POLE: variants seen among roughly 807,000 people sequenced by gnomAD.
POLE encodes the protein DNA polymerase epsilon, catalytic subunit.
In POLE, 188 loss-of-function variants were observed where a neutral mutation model predicts 279.2. That is an observed-to-expected ratio of 0.67 (90% CI 0.60 to 0.76). The LOEUF (loss-of-function observed/expected upper bound fraction) is 0.76, where lower values mean the gene tolerates loss of function less well. Ranked by LOEUF, POLE falls within the 30% of genes least tolerant of loss-of-function variation. The probability of loss-of-function intolerance (pLI) is 0.00; values close to 1 mark genes in which losing one functional copy is unlikely to be tolerated. For missense variants in POLE, 2,703 were observed against 3,016.7 expected (o/e 0.90, Z 2.44); for synonymous variants, 1,214 against 1,172.5 (o/e 1.04, Z -0.72).
Position 132,649,596 on chromosome 12 carries a change from C to T in POLE, c.3795+81G>A, listed in dbSNP as rs1276263792. ...CATGACTTTCTCACAAGCAGCCTCC[C>T]TAGGGGTCAGGACGCATCTCGGGCT... On this transcript the variant is annotated intron_variant, in intron 30 of 48. Transcript: ENST00000320574. The T allele has an allele frequency of 3.8e-6, 6 of 1,599,040 alleles. No homozygotes were observed. The African/African-American group carries it at 8.0e-5, about 21-fold the overall frequency.
At chr12:132,645,570 T>C (rs1017991043) in intron 32 of POLE, among the ~76,000 whole-genome samples, 3 of 152,192 alleles carry the variant, frequency 2.0e-5, no homozygotes, top group Admixed American at 6.5e-5. Flanking sequence ...GCTTGGGCAC[T>C]GGAATTAACC....
intron 16 of POLE, among the ~76,000 whole-genome samples, chr12:132,671,678 GA>G (rs59237637): frequency 0.5 from 36,421 of 73,090 alleles, 5,113 homozygotes; most frequent in Middle Eastern, 0.6. Flanking sequence ...CTCAAAAAGG[GA>G]AAAAAAAAAA....
At chr12:132,644,362 C>T (rs1191951908) in intron 32 of POLE, among the ~76,000 whole-genome samples, 4 of 137,598 alleles carry the variant, frequency 2.9e-5, no homozygotes, top group African/African-American at 8.2e-5. Context: ...AAGGAGGTCT[C>T]ACTATGAGGC....
rs1324298673 is a variant in POLE at position 132,676,579 on chromosome 12, C to A, written c.876G>T (p.Gln292His). The A allele has an allele frequency of 5.0e-6, 8 of 1,613,818 alleles. No individual in the cohort carries two copies. The Admixed American group carries it at 6.7e-5, about 13-fold the overall frequency. Residue 292 changes from glutamine to histidine, a missense_variant, in exon 9 of 49, where the codon CAG (glutamine) becomes CAT (histidine). Physicochemically the swap from Gln to His is conservative, Grantham distance 24. This residue lies in a region of POLE where 1,011 missense variants were observed against 1,111.7 expected (regional missense o/e 0.91). Transcript: ENST00000320574. ...CGATCATGTAGGAAATCATCATAAT[C>A]TGGTCTGTCTCAGCATCAGGAAACT... ...PLKFPDAETD[Q>H]IMMISYMIDG...
chr12:132,676,139 C>T lies in POLE; in HGVS notation c.975G>A (p.Lys325=), dbSNP rs778124242. The T allele has an allele frequency of 9.3e-6, 15 of 1,613,162 alleles. No individual in the cohort carries two copies. Among genetic ancestry groups the T allele is most frequent in the Admixed American group, 3.3e-5 (2 of 59,756 alleles). The change falls in exon 10 of 49, where the codon AAG becomes AAA. Residue 325 remains lysine, a synonymous_variant. Transcript: ENST00000320574. ...CACAAAAGGGGCCTTCATATTCTGG[C>T]TTGGGGGTGAACTCAAAATCTTCAA... ...EDIEDFEFTP[K]PEYEGPFCVF...
intron 45 of POLE, among the ~76,000 whole-genome samples, chr12:132,631,923 T>TC (rs1565926176): frequency 6.6e-6 from 1 of 152,082 alleles, no homozygotes; most frequent in Non-Finnish European, 1.5e-5. Context: ...CTCTCCCTTC[T>TC]CGGGTCGGCT....
At position 132,658,084 on chromosome 12, in the gene POLE, C is replaced by T. The variant is rs117528906; in HGVS notation, c.3276-114G>A. On this transcript the variant is annotated intron_variant, in intron 26 of 48. Transcript: ENST00000320574. Reference sequence around the variant, plus strand: ...AGGACGTGTAACAGCTGTTCACAAACATCAATGTATACATCTGCGTGCATA... The same window carrying T: ...AGGACGTGTAACAGCTGTTCACAAATATCAATGTATACATCTGCGTGCATA... 42 of 718,672 alleles carry T rather than the reference C, an allele frequency of 5.8e-5. 1 individual carries two copies. In the East Asian group the frequency reaches 1.0e-3, roughly 17 times the overall value. 44.5% of individuals were successfully genotyped at this position (718,672 alleles called of 1,614,324 possible).
Position 132,664,453 on chromosome 12 carries a change from C to A in POLE, c.2478G>T (p.Trp826Cys), listed in dbSNP as rs375426113. ...CGATGCCAGCCATCTCCATGGAGTACCAGCGAGCCCTGAGAGGACACCACA... is the reference window on the plus strand; with the variant it reads ...CGATGCCAGCCATCTCCATGGAGTAACAGCGAGCCCTGAGAGGACACCACA... ...YGYVMRKGARWYSMEMAGIVC... is the reference protein window; with the variant it reads ...YGYVMRKGARCYSMEMAGIVC... The change falls in exon 22 of 49, where the codon TGG (tryptophan) becomes TGT (cysteine). Residue 826 changes from tryptophan (W) to cysteine (C), a missense_variant. Physicochemically the swap from Trp to Cys is radical, Grantham distance 215. Around this residue, in one of 5 missense-constraint regions of POLE, gnomAD observed 1,011 missense variants for 1,111.7 expected, o/e 0.91. Coordinates refer to ENST00000320574, the MANE Select transcript of POLE (RefSeq NM_006231.4). This position sits in a 1 kb window ranked among gnomAD's most constrained non-coding sequence, Gnocchi z 5.3. The A allele has an allele frequency of 6.2e-7, 1 of 1,613,888 alleles. No homozygotes were observed. The highest frequency in any genetic ancestry group is 8.5e-7 in the Non-Finnish European group (1 of 1,179,926).
At chr12:132,673,769 G>C (rs1469483548) in intron 12 of POLE, 62 bp from the exon 13 acceptor site, 2 of 1,596,938 alleles carry the variant, frequency 1.3e-6, no homozygotes, top group Non-Finnish European at 8.5e-7. Flanking sequence ...GAACCCCTGA[G>C]AACTGGCAAA....
intron 29 of POLE, among the ~76,000 whole-genome samples, chr12:132,653,910 A>T (rs1414012071): frequency 6.6e-6 from 1 of 152,228 alleles, no homozygotes; most frequent in African/African-American, 2.4e-5. Context: ...TTCTGCATCT[A>T]TTGGAGATGA....
chr12:132,685,180 T>C (rs1021564470), intron 1 of POLE, among the ~76,000 whole-genome samples: 2 of 146,352 alleles, frequency 1.4e-5, no homozygotes, highest in Non-Finnish European at 3.0e-5. Context: ...GTCCCAGTAC[T>C]CCACACAGGC....
At position 132,661,474 on chromosome 12, in the gene POLE, A is replaced by C; in HGVS notation, c.2864+53T>G. The C allele has an allele frequency of 6.3e-7, 1 of 1,575,936 alleles. No individual in the cohort carries two copies. ...CCAACCTCCTTTCTGGGCTAAATTT[A>C]ATCTATCTCAATCCATGTCCTTTCT... On this transcript the variant is annotated intron_variant, in intron 24 of 48. Coordinates refer to ENST00000320574, the MANE Select transcript of POLE (RefSeq NM_006231.4). This position sits in a 1 kb window ranked among gnomAD's most constrained non-coding sequence, Gnocchi z 4.1.
chr12:132,672,406 G>A, intron 15 of POLE, 84 bp from the exon 16 acceptor site: 1 of 1,239,162 alleles, frequency 8.1e-7, no homozygotes, highest in Non-Finnish European at 1.2e-6. Flanking sequence ...GGCTGCACGT[G>A]GCAGGTTGTG....
Position 132,641,775 on chromosome 12 carries a change from C to T in POLE, c.5250G>A (p.Gly1750=). The change falls in exon 39 of 49, where the codon GGG becomes GGA. Residue 1750 remains glycine, a synonymous_variant. Transcript: ENST00000320574. ...LQSHHVNDME[G]ADSMGISFDV... is the part of the protein sequence containing the mutation. ...CGAAGCTGATCCCCATGCTGTCGGC[C>T]CCCTCCATGTCGTTGACATGGTGAG... 6.2e-7 allele frequency: 1 copy of T among 1,609,446 alleles called. No homozygotes were observed. Among genetic ancestry groups the T allele is most frequent in the Non-Finnish European group, 8.5e-7 (1 of 1,179,952 alleles).
chr12:132,637,765 C>A (rs773108683), intron 41 of POLE, among the ~76,000 whole-genome samples: 21 of 152,232 alleles, frequency 1.4e-4, no homozygotes, highest in Non-Finnish European at 2.5e-4. Flanking sequence ...CACTGTGGAA[C>A]CTTCTTAGCA....
chr12:132,668,480 G>C lies in POLE; in HGVS notation c.2049C>G (p.Tyr683Ter), dbSNP rs1196356920. 15 of 1,604,698 alleles carry C rather than the reference G, an allele frequency of 9.3e-6. No individual in the cohort carries two copies. Among genetic ancestry groups the C allele is most frequent in the Non-Finnish European group, 1.3e-5 (15 of 1,175,046 alleles). The change falls in exon 19 of 49, where the codon TAC becomes TAG. Residue 683 changes from tyrosine to a stop codon, truncating the protein, a stop_gained. Coordinates refer to ENST00000320574, the MANE Select transcript of POLE (RefSeq NM_006231.4). LOFTEE classifies it high-confidence loss of function. The surrounding 1 kb of genome is among the most constrained non-coding windows in gnomAD (Gnocchi z 4.0). ...ACTCCAGCTGGTGCTGGATCCGATGGTATTCGCTGCGACTGGCTGGCACTG... is the reference window on the plus strand; with the variant it reads ...ACTCCAGCTGGTGCTGGATCCGATGCTATTCGCTGCGACTGGCTGGCACTG... Reference protein sequence around the residue: ...GEFMPASRSEYHRIQHQLESE... With the variant: ...GEFMPASRSE
chr12:132,644,209 T>C, intron 32 of POLE, among the ~76,000 whole-genome samples: 1 of 152,070 alleles, frequency 6.6e-6, no homozygotes, highest in Non-Finnish European at 1.5e-5. Context: ...TTGCCCAGGC[T>C]GGAGTGCAGC....
At chr12:132,645,519 T>G (rs373801308) in intron 32 of POLE, among the ~76,000 whole-genome samples, 1 of 152,192 alleles carries the variant, frequency 6.6e-6, no homozygotes, top group African/African-American at 2.4e-5. Flanking sequence ...CTCTGGAGGC[T>G]GAGCTGACAT....
intron 29 of POLE, among the ~76,000 whole-genome samples, chr12:132,656,447 C>T (rs2042541404): frequency 1.3e-5 from 2 of 152,080 alleles, no homozygotes; most frequent in South Asian, 2.1e-4. Context: ...CAAGCTCCGC[C>T]TCCCGGGTTC....
Sources: gnomAD v4.1 joint callset for allele counts (sites outside exome capture counted in the v4.1 genomes callset) on GRCh38, gnomAD v4.1.1 for gene constraint, gnomAD v4.1.1 regional missense constraint, Gnocchi (gnomAD v3.1) non-coding constraint, MANE v1.5 for transcripts, NCBI Gene and HGNC (gene_info 2026-07-23, HGNC 2026-07-21) for gene names.